ANKRD30A: variants seen among roughly 807,000 people sequenced by gnomAD.
ANKRD30A encodes the protein ankyrin repeat domain 30A, also known as ankyrin repeat domain-containing protein 30A.
ANKRD30A carries 170 observed loss-of-function variants against 166.3 expected under a neutral mutation model. The ratio of observed to expected loss-of-function variants is 1.02; its 90% CI spans 0.90 to 1.16. The LOEUF (loss-of-function observed/expected upper bound fraction) is 1.16. ANKRD30A is among the 50% of genes most tolerant of loss of function. ANKRD30A has a pLI of 0.00. For missense variants in ANKRD30A, 1,630 were observed against 1,518.0 expected (o/e 1.07, Z -1.23); for synonymous variants, 564 against 508.9 (o/e 1.11, Z -1.46).
In ANKRD30A at chr10:37,231,617, A is replaced by T; in HGVS notation, c.*148A>T. On this transcript the variant is annotated 3_prime_UTR_variant, in exon 35 of 36. Coordinates refer to ENST00000361713, the MANE Select transcript of ANKRD30A (RefSeq NM_052997.3). The stretch of plus-strand genomic sequence containing the variant: ...ACAGAATACTTATTTTAGAAGAAAA[A>T]TTCATGATTTCTTCCTGAAGCCTAC... The T allele has an allele frequency of 2.0e-6, 1 of 509,354 alleles. No individual in the cohort carries two copies. The highest frequency in any genetic ancestry group is 3.3e-6 in the Non-Finnish European group (1 of 304,132). 31.6% of individuals were successfully genotyped at this position (509,354 alleles called of 1,614,324 possible).
chr10:37,129,169 C>T (rs1324423872), intron 1 of ANKRD30A, among the ~76,000 whole-genome samples: 5 of 152,204 alleles, frequency 3.3e-5, no homozygotes, highest in East Asian at 3.9e-4. Context: ...AGGACTGCCT[C>T]GTCCTGTTGT....
At chr10:37,137,373 G>A (rs1836779771) in intron 6 of ANKRD30A, among the ~76,000 whole-genome samples, 1 of 152,130 alleles carries the variant, frequency 6.6e-6, no homozygotes, top group African/African-American at 2.4e-5. Flanking sequence ...GTTGGAAAGT[G>A]GGCGCAGGAC....
intron 3 of ANKRD30A, among the ~76,000 whole-genome samples, chr10:37,130,774 G>GC (rs1270500712): frequency 6.6e-6 from 1 of 152,124 alleles, no homozygotes. Context: ...GGTGTCTCCA[G>GC]CCCATATGAC....
the ANKRD30A span, among the ~76,000 whole-genome samples, chr10:37,242,714 G>C: frequency 6.6e-6 from 1 of 152,138 alleles, no homozygotes; most frequent in Non-Finnish European, 1.5e-5. Flanking sequence ...AAACAGGCAA[G>C]AACCATGAGA....
chr10:37,255,770 C>A, the ANKRD30A span, among the ~76,000 whole-genome samples: 1 of 152,178 alleles, frequency 6.6e-6, no homozygotes, highest in Admixed American at 6.5e-5. Flanking sequence ...CCAATATCAA[C>A]CCCTGGACAG....
the ANKRD30A span, chr10:37,248,028 GAA>G: frequency 9.9e-3 from 3,031 of 307,126 alleles, no homozygotes; most frequent in Middle Eastern, 0.018. Flanking sequence ...AAGTAAAACT[GAA>G]AAAAAAAAAA....
At chr10:37,149,722 T>C in intron 10 of ANKRD30A, 43 bp downstream of exon 10, 3 of 1,611,930 alleles carry the variant, frequency 1.9e-6, no homozygotes, top group Non-Finnish European at 2.5e-6. Flanking sequence ...TTATTAATTA[T>C]GTATTTGTGA....
intron 1 of ANKRD30A, among the ~76,000 whole-genome samples, chr10:37,128,367 GTTTTAA>G (rs1191068393): frequency 1.3e-5 from 2 of 151,806 alleles, no homozygotes; most frequent in Non-Finnish European, 2.9e-5. Context: ...CACTTTCTAT[GTTTTAA>G]TTTTTATTTT....
downstream of ANKRD30A, among the ~76,000 whole-genome samples, chr10:37,237,107 T>C (rs1209026676): frequency 3.9e-5 from 6 of 152,220 alleles, no homozygotes; most frequent in African/African-American, 1.4e-4. Context: ...ACCATATGCA[T>C]GCATTTTCTC....
chr10:37,159,566 C>T lies in ANKRD30A; in HGVS notation c.1900+980C>T, dbSNP rs189681341. On this transcript the variant is annotated intron_variant, in intron 15 of 35. Transcript: ENST00000361713. ...CTCACAACATGTATGTGGTTATAGA[C>T]CATGTGTACAATTTGTTTTCATGTC... Among the ~76,000 whole-genome samples the T allele has an allele frequency of 5.3e-5, 8 of 152,222 alleles. No individual in the cohort carries two copies. In the East Asian group the frequency reaches 1.5e-3, roughly 29 times the overall value.
chr10:37,157,444 C>A (rs948579805), intron 13 of ANKRD30A, among the ~76,000 whole-genome samples: 1 of 152,324 alleles, frequency 6.6e-6, no homozygotes, highest in Middle Eastern at 3.4e-3. Flanking sequence ...TGGCTCATTG[C>A]AACATCTGCC....
chr10:37,191,561 G>C (rs1371815390), intron 25 of ANKRD30A, among the ~76,000 whole-genome samples: 1 of 151,980 alleles, frequency 6.6e-6, no homozygotes, highest in Non-Finnish European at 1.5e-5. Flanking sequence ...TTCCAGATCA[G>C]TTTTCTCCTT....
intron 17 of ANKRD30A, among the ~76,000 whole-genome samples, chr10:37,164,553 GC>G (rs1564514333): frequency 6.6e-6 from 1 of 152,010 alleles, no homozygotes; most frequent in Non-Finnish European, 1.5e-5. Flanking sequence ...ATATACACAC[GC>G]AAAACACACC....
chr10:37,242,481 T>C, the ANKRD30A span, among the ~76,000 whole-genome samples: 3 of 152,212 alleles, frequency 2.0e-5, no homozygotes, highest in African/African-American at 7.2e-5. Context: ...TCTCTTTCTC[T>C]TCAAACCTTC....
At position 37,209,329 on chromosome 10, in the gene ANKRD30A, A is replaced by G. The variant is rs200461264; in HGVS notation, c.2870-6852A>G. On this transcript the variant is annotated intron_variant, in intron 31 of 35. Transcript: ENST00000361713. ...TTCTACAGGTTGTACAGGAAGCATA[A>G]CGTGGGGCTCTGCTTCTGGGGAGGC... 6.6e-5 allele frequency among the ~76,000 whole-genome samples: 10 copies of G among 152,270 alleles called. No individual in the cohort carries two copies. The East Asian group carries it at 1.4e-3, about 21-fold the overall frequency.
chr10:37,160,286 G>A (rs979525321), intron 15 of ANKRD30A, among the ~76,000 whole-genome samples: 6 of 152,020 alleles, frequency 3.9e-5, no homozygotes, highest in South Asian at 4.1e-4. Context: ...TAAAATACAC[G>A]AATTGGAAAA....
Position 37,219,864 on chromosome 10 carries a change from A to G in ANKRD30A, c.4152A>G (p.Ile1384Met), listed in dbSNP as rs760933885. 1.9e-6 allele frequency: 3 copies of G among 1,542,348 alleles called. No homozygotes were observed. Among genetic ancestry groups the G allele is most frequent in the South Asian group, 1.2e-5 (1 of 80,866 alleles). ...ACAATAACCATTTAAAAAACCGTAT[A>G]TATCAATATGAAAAAGAGAAAGCAG... The part of the protein sequence containing the change: ...FNYNNHLKNR[I>M]YQYEKEKAET... The change falls in exon 34 of 36, where the codon ATA becomes ATG. Residue 1384 changes from isoleucine (I) to methionine (M), a missense_variant. Ile to Met is a conservative substitution (Grantham distance 10, BLOSUM62 1). Around this residue, in one of 4 missense-constraint regions of ANKRD30A, gnomAD observed 712 missense variants for 629.3 expected, o/e 1.13. Coordinates refer to ENST00000361713, the MANE Select transcript of ANKRD30A (RefSeq NM_052997.3).
chr10:37,136,961 T>A (rs1836739940), intron 6 of ANKRD30A, among the ~76,000 whole-genome samples: 1 of 151,738 alleles, frequency 6.6e-6, no homozygotes, highest in African/African-American at 2.4e-5. Context: ...TTAATTATGG[T>A]CCCTAAATCC....
chr10:37,160,623 AT>A (rs1216954627), intron 15 of ANKRD30A, among the ~76,000 whole-genome samples: 1 of 152,208 alleles, frequency 6.6e-6, no homozygotes, highest in East Asian at 1.9e-4. Flanking sequence ...TTTTAAAAAA[AT>A]ATAAATCAAA....
Sources: allele counts gnomAD v4.1 joint callset (sites outside exome capture counted in the v4.1 genomes callset), GRCh38; gene constraint gnomAD v4.1.1; regional missense constraint gnomAD v4.1.1; transcripts MANE v1.5; gene names NCBI Gene and HGNC (gene_info 2026-07-23, HGNC 2026-07-21).